The following PRKDC variants were observed in gnomAD, a reference collection of about 807,000 sequenced individuals.
PRKDC encodes the protein protein kinase, DNA-activated, catalytic subunit.
PRKDC carries 82 observed loss-of-function variants against 486.9 expected under a neutral mutation model. The ratio of observed to expected loss-of-function variants is 0.17; its 90% confidence interval spans 0.14 to 0.20. The LOEUF (loss-of-function observed/expected upper bound fraction) is 0.20. Ranked by LOEUF, PRKDC falls within the 10% of genes least tolerant of loss-of-function variation. The pLI is 1.00. For synonymous variants in PRKDC, 1,895 were observed against 1,837.0 expected, an observed-to-expected ratio of 1.03 and a Z score of -0.81; for missense variants, 4,504 against 5,038.2, an observed-to-expected ratio of 0.89 and a Z score of 3.21.
At position 47,929,183 on chromosome 8, in the gene PRKDC, C is replaced by G; in HGVS notation, c.2053-5G>C. On this transcript the variant is annotated splice_polypyrimidine_tract_variant and splice_region_variant and intron_variant, in intron 18 of 85. Coordinates refer to ENST00000314191, the MANE Select transcript of PRKDC (RefSeq NM_006904.7). ...CAGACTCTTTGGACTAACTCCCTGT[C>G]AAATAAAACAGCAAGTTAGTACACT... 6.5e-7 allele frequency: 1 copy of G among 1,544,248 alleles called. No homozygotes were observed.
chr8:47,903,704 C>A (rs1014257169), intron 26 of PRKDC, among the ~76,000 whole-genome samples: 1 of 152,180 alleles, frequency 6.6e-6, no homozygotes, highest in African/African-American at 2.4e-5. Context: ...TTTTACTTAT[C>A]AGATTTCTTT....
chr8:47,929,106 T>C lies in PRKDC; in HGVS notation c.2125A>G (p.Lys709Glu). 6.4e-7 allele frequency: 1 copy of C among 1,567,138 alleles called. No homozygotes were observed. The highest frequency in any genetic ancestry group is 8.7e-7 in the Non-Finnish European group (1 of 1,153,220). Residue 709 changes from lysine to glutamate, a missense_variant, in exon 19 of 86, where the codon AAA (lysine) becomes GAA (glutamate). Physicochemically the swap from Lys to Glu is moderately conservative, Grantham distance 56. Around this residue, in one of 6 missense-constraint regions of PRKDC, gnomAD observed 1,969 missense variants for 2,068.9 expected, o/e 0.95. Coordinates refer to ENST00000314191, the MANE Select transcript of PRKDC (RefSeq NM_006904.7). Reference sequence around the variant, plus strand: ...TTAAAAATTACCTCTTTGCCAAATTTCACAAATAAAGCAAAGCAAGAATAC... The same window carrying C: ...TTAAAAATTACCTCTTTGCCAAATTCCACAAATAAAGCAAAGCAAGAATAC... ...EKYSCFALFV[K>E]FGKEVAVKMK... is the part of the protein sequence containing the mutation.
rs554050934 is a variant in PRKDC at position 47,831,662 on chromosome 8, G to C, written c.8265+152C>G. On this transcript the variant is annotated intron_variant, in intron 60 of 85. Transcript: ENST00000314191. ...AGCGCCATGAGGGCTGCATCCCTGT[G>C]GGGGAGCCCCAGGAGGCTGGTTTGG... 1.7e-3 allele frequency among the ~76,000 whole-genome samples: 258 copies of C among 152,310 alleles called. 2 individuals are homozygous for C. Among genetic ancestry groups the C allele is most frequent in the African/African-American group, 5.9e-3 (247 of 41,584 alleles).
chr8:47,815,698 T>C (rs908109728), intron 68 of PRKDC, among the ~76,000 whole-genome samples: 5 of 152,230 alleles, frequency 3.3e-5, no homozygotes, highest in Non-Finnish European at 2.9e-5. Flanking sequence ...TGTAGACTAA[T>C]ATAAATGAAT....
Position 47,803,334 on chromosome 8 carries a change from G to A in PRKDC, c.9894C>T (p.Leu3298=). ...ACAAAGAGACTGTTTTCAGCACAGT[G>A]AGCACCTGCTCAGAGCAGCCCTGGG... ...SRSQGCSEQV[L]TVLKTVSLLD... The change falls in exon 70 of 86, where the codon CTC becomes CTT. Residue 3298 remains leucine (L), a synonymous_variant. Transcript: ENST00000314191. 1.2e-6 allele frequency: 2 copies of A among 1,613,480 alleles called. No homozygotes were observed. The highest frequency in any genetic ancestry group is 1.1e-5 in the South Asian group (1 of 90,972).
chr8:47,852,224 C>T (rs1425979019), intron 52 of PRKDC, among the ~76,000 whole-genome samples: 2 of 152,180 alleles, frequency 1.3e-5, no homozygotes, highest in South Asian at 2.1e-4. Context: ...ACAGTCCTGT[C>T]CAGTGGGCAA....
At chr8:47,796,679 A>C (rs2086992114) in intron 73 of PRKDC, among the ~76,000 whole-genome samples, 1 of 151,556 alleles carries the variant, frequency 6.6e-6, no homozygotes, top group South Asian at 2.1e-4. Context: ...GGCTCACTGC[A>C]ACCTCCACCT....
In PRKDC at chr8:47,852,661, T is replaced by C; in HGVS notation, c.7005+12A>G. The C allele has an allele frequency of 6.7e-7, 1 of 1,502,678 alleles. No homozygotes were observed. The highest frequency in any genetic ancestry group is 9.1e-7 in the Non-Finnish European group (1 of 1,103,662). The allele number at this position is 1,502,678 out of a possible 1,614,324, so 93.1% of individuals were successfully genotyped here. ...TAAGAGGTATTTATTGAAAATTGTGTAGCACACTCACGTTTTTTCTCTCCA... is the reference window on the plus strand; with the variant it reads ...TAAGAGGTATTTATTGAAAATTGTGCAGCACACTCACGTTTTTTCTCTCCA... On this transcript the variant is annotated intron_variant, in intron 52 of 85. Transcript: ENST00000314191.
Position 47,927,798 on chromosome 8 carries a change from A to C in PRKDC, c.2232T>G (p.Asp744Glu). ...LSLPHNIIEL[D>E]VRAYVPALQM... ...GCAGTGCAGGAACGTAGGCTCTAAC[A>C]TCGAGTTCAATGATGTTGTGTGGCA... The change falls in exon 20 of 86, where the codon GAT becomes GAG. Residue 744 changes from aspartate (D) to glutamate (E), a missense_variant. Transcript: ENST00000314191. 1 of 1,583,802 alleles carries C rather than the reference A, an allele frequency of 6.3e-7. No homozygotes were observed. Among genetic ancestry groups the C allele is most frequent in the Non-Finnish European group, 8.6e-7 (1 of 1,167,578 alleles).
intron 11 of PRKDC, among the ~76,000 whole-genome samples, chr8:47,938,865 T>C (rs537744620): frequency 2.9e-4 from 44 of 152,328 alleles, no homozygotes; most frequent in African/African-American, 9.4e-4. Context: ...CCGCCACACC[T>C]AGCTAATATT....
In PRKDC at chr8:47,803,366, T is replaced by C; in HGVS notation, c.9862A>G (p.Ser3288Gly). 1 of 1,614,026 alleles carries C rather than the reference T, an allele frequency of 6.2e-7. No individual in the cohort carries two copies. The highest frequency in any genetic ancestry group is 8.5e-7 in the Non-Finnish European group (1 of 1,179,898). The change falls in exon 70 of 86, where the codon AGC (serine) becomes GGC (glycine). Residue 3288 changes from serine to glycine, a missense_variant. Coordinates refer to ENST00000314191, the MANE Select transcript of PRKDC (RefSeq NM_006904.7). ...QSYCRLSHCRSRSQGCSEQVL... is the reference protein window; with the variant it reads ...QSYCRLSHCRGRSQGCSEQVL... ...TGCTCAGAGCAGCCCTGGGACCGGC[T>C]CCGGCAGTGGCTCAGGCGGCAGTAG...
intron 40 of PRKDC, among the ~76,000 whole-genome samples, chr8:47,865,337 C>T (rs934680077): frequency 1.3e-5 from 2 of 151,216 alleles, no homozygotes; most frequent in Admixed American, 6.6e-5. Context: ...AGTGAGCCGT[C>T]GCACCACTGC....
intron 15 of PRKDC, among the ~76,000 whole-genome samples, chr8:47,933,476 T>C (rs1373083038): frequency 6.6e-6 from 1 of 152,254 alleles, no homozygotes; most frequent in Non-Finnish European, 1.5e-5. Context: ...CCAATTAATC[T>C]GTGGATGTGT....
At chr8:47,901,176 G>A (rs1239297378) in intron 27 of PRKDC, among the ~76,000 whole-genome samples, 3 of 137,900 alleles carry the variant, frequency 2.2e-5, no homozygotes, top group East Asian at 5.3e-4. Context: ...GGGTGGGGGG[G>A]CTCTGTCTTA....
intron 30 of PRKDC, among the ~76,000 whole-genome samples, chr8:47,896,628 A>C (rs1242896248): frequency 1.3e-5 from 2 of 150,960 alleles, no homozygotes; most frequent in African/African-American, 4.9e-5. Flanking sequence ...GCCTGGGCAA[A>C]AGAGCGAGAC....
chr8:47,803,435 C>G lies in PRKDC; in HGVS notation c.9793G>C (p.Glu3265Gln). The stretch of plus-strand genomic sequence containing the variant: ...AGCCAATCGTCTCTGGTTTTTGACT[C>G]TTTATGCAGCTCCTTCAGTAGTTTC... Reference protein sequence around the residue: ...AMKLLKELHKESKTRDDWLVS... With the variant: ...AMKLLKELHKQSKTRDDWLVS... Residue 3265 changes from glutamate to glutamine, a missense_variant, in exon 70 of 86, where the codon GAG becomes CAG. Transcript: ENST00000314191. 1 of 1,613,954 alleles carries G rather than the reference C, an allele frequency of 6.2e-7. No homozygotes were observed. The highest frequency in any genetic ancestry group is 8.5e-7 in the Non-Finnish European group (1 of 1,179,884).
At position 47,840,070 on chromosome 8, in the gene PRKDC, G is replaced by A; in HGVS notation, c.7400C>T (p.Thr2467Ile). ...PVVEFVSHPS[T>I]TCREQMYNIL... ...ATTATACATTTGTTCCCTACATGTTGTAGAAGGATGGGAAACGAATTCCAC... is the reference window on the plus strand; with the variant it reads ...ATTATACATTTGTTCCCTACATGTTATAGAAGGATGGGAAACGAATTCCAC... The change falls in exon 55 of 86, where the codon ACA becomes ATA. Residue 2467 changes from threonine (T) to isoleucine (I), a missense_variant. Physicochemically the swap from Thr to Ile is moderately conservative, Grantham distance 89. Coordinates refer to ENST00000314191, the MANE Select transcript of PRKDC (RefSeq NM_006904.7). 6.4e-7 allele frequency: 1 copy of A among 1,563,658 alleles called. No individual in the cohort carries two copies. The highest frequency in any genetic ancestry group is 8.7e-7 in the Non-Finnish European group (1 of 1,152,020).
chr8:47,896,978 G>C (rs1437619729), intron 30 of PRKDC, among the ~76,000 whole-genome samples, 183 bp downstream of exon 30: 1 of 152,154 alleles, frequency 6.6e-6, no homozygotes, highest in Non-Finnish European at 1.5e-5. Flanking sequence ...TAGGATGCTG[G>C]CAATTTCTTA....
Position 47,953,810 on chromosome 8 carries a change from G to T in PRKDC, c.618C>A (p.Thr206=). 1 of 1,571,960 alleles carries T rather than the reference G, an allele frequency of 6.4e-7. No individual in the cohort carries two copies. The highest frequency in any genetic ancestry group is 2.3e-5 in the East Asian group (1 of 43,524). Residue 206 remains threonine, a synonymous_variant, in exon 6 of 86, where the codon ACC becomes ACA. Transcript: ENST00000314191. ...AATGTCATAAAGTTCATCATACCTG[G>T]GTCTTAAGTTCACCCAGAAAAGCGC... is the stretch of plus-strand genomic sequence containing the variant. ...LFRAFLGELK[T]QMTSAVREPK...
Sources: gnomAD v4.1 joint callset for allele counts (sites outside exome capture counted in the v4.1 genomes callset) on GRCh38, gnomAD v4.1.1 for gene constraint, gnomAD v4.1.1 regional missense constraint, MANE v1.5 for transcripts, NCBI Gene and HGNC (gene_info 2026-07-23, HGNC 2026-07-21) for gene names.